The following SYT3 variants were observed in gnomAD, a reference collection of about 807,000 sequenced individuals.
The protein encoded by SYT3 is synaptotagmin-3.
Under a neutral mutation model 50.6 loss-of-function variants are expected in SYT3, and 25 were observed. That is an observed-to-expected ratio of 0.49 (90% CI 0.36 to 0.69). The LOEUF (loss-of-function observed/expected upper bound fraction) is 0.69. Among genes scored for constraint, SYT3 ranks in the 30% least tolerant of loss-of-function variants. The probability of loss-of-function intolerance (pLI) is 0.00; values close to 1 mark genes in which losing one functional copy is unlikely to be tolerated. For missense variants in SYT3, 589 were observed against 793.6 expected, an observed-to-expected ratio of 0.74 and a Z score of 3.10; for synonymous variants, 323 against 353.9, an observed-to-expected ratio of 0.91 and a Z score of 0.98.
At chr19:50,627,717 ACT>A (rs1984126549) in intron 6 of SYT3, among the ~76,000 whole-genome samples, 1 of 115,434 alleles carries the variant, frequency 8.7e-6, no homozygotes, top group Admixed American at 9.0e-5. Flanking sequence ...ACAGAGAGAG[ACT>A]CTGTCTCAAA....
In SYT3 at chr19:50,637,132, C is replaced by T. The variant is rs1984519264; in HGVS notation, c.148+132G>A. The T allele has an allele frequency of 1.7e-6, 2 of 1,147,986 alleles. No homozygotes were observed. Among genetic ancestry groups the T allele is most frequent in the Non-Finnish European group, 2.5e-6 (2 of 810,578 alleles). 71.1% of individuals were successfully genotyped at this position (1,147,986 alleles called of 1,614,324 possible). ...GATCAGAGATTTGGGAGAAGGGCAG[C>T]AGCAGGCAGAATGGGGGCAAGACGC... On this transcript the variant is annotated intron_variant, in intron 3 of 10. Coordinates refer to ENST00000600079, the MANE Select transcript of SYT3 (RefSeq NM_001160329.2). This position sits in a 1 kb window ranked among gnomAD's most constrained non-coding sequence, Gnocchi z 4.9.
chr19:50,647,573 G>A, the SYT3 span, among the ~76,000 whole-genome samples: 3 of 151,960 alleles, frequency 2.0e-5, no homozygotes, highest in Non-Finnish European at 2.9e-5. Context: ...CCCATTACTC[G>A]GGAGACTGAG....
chr19:50,649,301 C>A, the SYT3 span: 24 of 769,998 alleles, frequency 3.1e-5, no homozygotes, highest in Middle Eastern at 6.5e-4. Flanking sequence ...ATGGTCTCAG[C>A]CTTCCAGTTC....
At chr19:50,624,490 G>A (rs1052795382) in intron 9 of SYT3, among the ~76,000 whole-genome samples, 1 of 149,840 alleles carries the variant, frequency 6.7e-6, no homozygotes, top group African/African-American at 2.5e-5. Flanking sequence ...TGCTCCTCTT[G>A]TTTTCTATTG....
At chr19:50,657,861 A>C in the SYT3 span, 1 of 1,260,200 alleles carries the variant, frequency 7.9e-7, no homozygotes, top group Non-Finnish European at 1.1e-6. Context: ...ATTAAGAGCG[A>C]TCCTTGCCCC....
At chr19:50,641,386 G>T (rs1226617011), upstream of SYT3, among the ~76,000 whole-genome samples, 3 of 149,918 alleles carry the variant, frequency 2.0e-5, no homozygotes, top group Non-Finnish European at 4.5e-5. Flanking sequence ...TTTCACCGTG[G>T]TCTCGATCTC....
chr19:50,625,312 T>C lies in SYT3; in HGVS notation c.1575-18A>G, dbSNP rs1460147962. On this transcript the variant is annotated intron_variant, in intron 8 of 10. Coordinates refer to ENST00000600079, the MANE Select transcript of SYT3 (RefSeq NM_001160329.2). The surrounding 1 kb of genome is among the most constrained non-coding windows in gnomAD (Gnocchi z 7.5). ...GCCCGATGCTGGGGGTTGGGGTCAG[T>C]GAGGACCGTGGAGGGTGGTGGGAGG... The C allele has an allele frequency of 1.3e-6, 2 of 1,532,918 alleles. No homozygotes were observed. The highest frequency in any genetic ancestry group is 2.8e-5 in the African/African-American group (2 of 72,532). 95.0% of individuals were successfully genotyped at this position (1,532,918 alleles called of 1,614,324 possible).
rs1599813308 is a variant in SYT3 at position 50,625,647 on chromosome 19, C to T, written c.1403-83G>A. ...GGACCCCAGGCCCCGAGCCCCTCCT[C>T]CCTCAGACCCAGAGGTCCGGGGCCC... On this transcript the variant is annotated intron_variant, in intron 7 of 10. Transcript: ENST00000600079. The surrounding 1 kb of genome is among the most constrained non-coding windows in gnomAD (Gnocchi z 7.5). 1.4e-6 allele frequency: 2 copies of T among 1,476,244 alleles called. No individual in the cohort carries two copies. Among genetic ancestry groups the T allele is most frequent in the East Asian group, 2.4e-5 (1 of 41,612 alleles). The allele number at this position is 1,476,244 out of a possible 1,614,324, so 91.4% of individuals were successfully genotyped here.
chr19:50,647,390 C>A, the SYT3 span, among the ~76,000 whole-genome samples: 2 of 151,618 alleles, frequency 1.3e-5, no homozygotes, highest in African/African-American at 4.8e-5. Flanking sequence ...GAGGATGGGG[C>A]GGCCAGGAGG....
intron 9 of SYT3, chr19:50,624,914 C>G (rs1271632104): frequency 1.8e-5 from 7 of 390,846 alleles, no homozygotes; most frequent in Admixed American, 4.4e-5. Context: ...GAACGTTTAA[C>G]TCAGCACATC....
the SYT3 span, among the ~76,000 whole-genome samples, chr19:50,647,063 C>T: frequency 6.6e-6 from 1 of 152,058 alleles, no homozygotes; most frequent in Non-Finnish European, 1.5e-5. Flanking sequence ...ATCTCCTGAC[C>T]TCGTGATCCG....
At chr19:50,641,769 C>A (rs1490888761), upstream of SYT3, among the ~76,000 whole-genome samples, 2 of 151,972 alleles carry the variant, frequency 1.3e-5, no homozygotes, top group East Asian at 3.9e-4. Context: ...TCACTTGAAC[C>A]CAGAAGGTGG....
chr19:50,645,516 G>A, the SYT3 span, among the ~76,000 whole-genome samples: 2 of 152,120 alleles, frequency 1.3e-5, no homozygotes, highest in African/African-American at 4.8e-5. Context: ...GAGAAAGATG[G>A]AGATACAGAG....
rs1984036161 is a variant in SYT3, at chr19:50,625,821, A to G, written c.1402+76T>C. 2 of 838,850 alleles carry G rather than the reference A, an allele frequency of 2.4e-6. No individual in the cohort carries two copies. Among genetic ancestry groups the G allele is most frequent in the Non-Finnish European group, 3.5e-6 (2 of 577,006 alleles). The allele number at this position is 838,850 out of a possible 1,614,324, so 52.0% of individuals were successfully genotyped here. A position where few individuals can be genotyped will look rare whatever the true frequency, so the allele number is the denominator to read the frequency against. ...CCTCCTCCCTCAGACCCAGGAGTCC[A>G]GGCCCCTGGCCCCTCCTCCCTCAGA... On this transcript the variant is annotated intron_variant, in intron 7 of 10. Coordinates refer to ENST00000600079, the MANE Select transcript of SYT3 (RefSeq NM_001160329.2). This position sits in a 1 kb window ranked among gnomAD's most constrained non-coding sequence, Gnocchi z 7.5.
upstream of SYT3, among the ~76,000 whole-genome samples, chr19:50,642,209 C>T (rs1298883015): frequency 2.0e-5 from 3 of 152,216 alleles, no homozygotes; most frequent in South Asian, 2.1e-4. Flanking sequence ...TCTAACAGCC[C>T]GACCCTTGAA....
the SYT3 span, among the ~76,000 whole-genome samples, chr19:50,656,969 A>G: frequency 3.8e-5 from 5 of 130,910 alleles, no homozygotes; most frequent in Non-Finnish European, 7.8e-5. Flanking sequence ...AGGAAGGAAG[A>G]AAGAAAGAAA....
intron 6 of SYT3, 183 bp from the exon 7 acceptor site, chr19:50,626,200 C>G (rs1984054590): frequency 4.7e-6 from 4 of 853,070 alleles, no homozygotes; most frequent in Non-Finnish European, 6.9e-6. Context: ...CTGCCCATGA[C>G]CATCAAAGCT....
At chr19:50,633,542 C>T (rs1407565100) in intron 3 of SYT3, among the ~76,000 whole-genome samples, 1 of 152,180 alleles carries the variant, frequency 6.6e-6, no homozygotes, top group African/African-American at 2.4e-5. Context: ...TTAGGCAGGG[C>T]AGGGTTTAAA....
chr19:50,655,766 C>G, the SYT3 span, among the ~76,000 whole-genome samples: 2 of 152,170 alleles, frequency 1.3e-5, no homozygotes, highest in Admixed American at 6.5e-5. Flanking sequence ...GGAGCAAGTT[C>G]CTCCTGCTTC....
Sources: gnomAD v4.1 joint callset for allele counts (sites outside exome capture counted in the v4.1 genomes callset) on GRCh38, gnomAD v4.1.1 for gene constraint, Gnocchi (gnomAD v3.1) non-coding constraint, MANE v1.5 for transcripts, NCBI Gene and HGNC (gene_info 2026-07-23, HGNC 2026-07-21) for gene names.